The following PDS5A variants were observed in gnomAD, a reference collection of about 807,000 sequenced individuals.
PDS5A encodes sister chromatid cohesion protein PDS5 homolog A.
PDS5A carries 42 observed loss-of-function variants against 167.1 expected under a neutral mutation model. The observed-to-expected ratio is 0.25, with a 90% CI of 0.20 to 0.33. The LOEUF (loss-of-function observed/expected upper bound fraction) is 0.33. PDS5A is among the 10% of genes least tolerant of loss of function. The pLI, the probability that PDS5A is intolerant of heterozygous loss-of-function variation, is 1.00. For missense variants in PDS5A, 1,033 were observed against 1,605.9 expected (o/e 0.64, Z 6.10); for synonymous variants, 553 against 554.6 (o/e 1.00, Z 0.04).
At chr4:39,914,559 T>C (rs922534845) in intron 8 of PDS5A, among the ~76,000 whole-genome samples, 1 of 152,120 alleles carries the variant, frequency 6.6e-6, no homozygotes, top group African/African-American at 2.4e-5. Context: ...AATGCAAGAA[T>C]CAAAAGATGA....
At chr4:39,967,562 G>A (rs764448247) in intron 2 of PDS5A, among the ~76,000 whole-genome samples, 2 of 151,414 alleles carry the variant, frequency 1.3e-5, no homozygotes, top group Non-Finnish European at 2.9e-5. Flanking sequence ...CAGGCGAATT[G>A]CTTGAACTCA....
Position 39,824,711 on chromosome 4 carries a change from G to C in PDS5A, c.*774C>G, listed in dbSNP as rs1715126595. 1 of 152,478 alleles carries C rather than the reference G, an allele frequency of 6.6e-6. No homozygotes were observed. The highest frequency in any genetic ancestry group is 6.6e-5 in the Admixed American group (1 of 15,250). 9.4% of individuals were successfully genotyped at this position (152,478 alleles called of 1,614,324 possible). A position where few individuals can be genotyped will look rare whatever the true frequency, so the allele number is the denominator to read the frequency against. On this transcript the variant is annotated 3_prime_UTR_variant, in exon 33 of 33. Transcript: ENST00000303538. ...ACAGGAGTAAAAACCATTTTAAAGT[G>C]ATATGCTTTATGAAACAAACAACAA...
rs2679789 is a variant in PDS5A at position 39,947,957 on chromosome 4, A to T, written c.139-19793T>A. Among the ~76,000 whole-genome samples the T allele has an allele frequency of 6.6e-4, 100 of 152,280 alleles. 1 individual carries two copies. In the East Asian group the frequency reaches 0.018, roughly 27 times the overall value. The stretch of plus-strand genomic sequence containing the variant: ...CAAATAATGGCAATGTCCACACAAA[A>T]ATTTGCACATAAGCCAGGAATGGTG... On this transcript the variant is annotated intron_variant, in intron 2 of 32. Transcript: ENST00000303538.
chr4:39,879,318 C>G (rs1047781759), intron 18 of PDS5A, among the ~76,000 whole-genome samples: 1 of 152,012 alleles, frequency 6.6e-6, no homozygotes, highest in African/African-American at 2.4e-5. Flanking sequence ...CCCAAAGCAC[C>G]CCTTTTTTCT....
chr4:39,838,132 C>G lies in PDS5A; in HGVS notation c.3734G>C (p.Gly1245Ala). The stretch of plus-strand genomic sequence containing the variant: ...TGTTTTTTGTTGGATATTCTCTGCA[C>G]CAGCTGCTGTTACTGTTCTTTTCTT... The part of the protein sequence containing the change: ...RGKKRTVTAA[G>A]AENIQQKTDE... Residue 1245 changes from glycine (G) to alanine (A), a missense_variant, in exon 32 of 33, where the codon GGT becomes GCT. Gly to Ala is a moderately conservative substitution (Grantham distance 60). Coordinates refer to ENST00000303538, the MANE Select transcript of PDS5A (RefSeq NM_001100399.2). 1 of 1,613,818 alleles carries G rather than the reference C, an allele frequency of 6.2e-7. No individual in the cohort carries two copies. Among genetic ancestry groups the G allele is most frequent in the Non-Finnish European group, 8.5e-7 (1 of 1,179,804 alleles).
intron 23 of PDS5A, among the ~76,000 whole-genome samples, chr4:39,865,155 GAA>G (rs1172636535): frequency 6.6e-6 from 1 of 152,024 alleles, no homozygotes; most frequent in Non-Finnish European, 1.5e-5. Context: ...GATTTGTAAT[GAA>G]AAGAGGTATT....
At chr4:39,913,426 A>G (rs1212519473) in intron 9 of PDS5A, among the ~76,000 whole-genome samples, 185 bp downstream of exon 9, 2 of 152,140 alleles carry the variant, frequency 1.3e-5, no homozygotes, top group Admixed American at 1.3e-4. Flanking sequence ...ACACAGATAA[A>G]ATACTAAGCT....
At chr4:39,861,487 A>G (rs1001751294) in intron 26 of PDS5A, among the ~76,000 whole-genome samples, 2 of 152,144 alleles carry the variant, frequency 1.3e-5, no homozygotes, top group Admixed American at 6.5e-5. Flanking sequence ...GAGACTGGTT[A>G]ATGGGTACAA....
chr4:39,949,220 T>TGAATGC (rs1728083936), intron 2 of PDS5A, among the ~76,000 whole-genome samples: 1 of 146,500 alleles, frequency 6.8e-6, no homozygotes, highest in South Asian at 2.1e-4. Context: ...GAGGATTGCT[T>TGAATGC]GAATGCGGGA....
At chr4:39,869,358 TAA>T (rs768992303) in intron 22 of PDS5A, 34 bp downstream of exon 22, 4 of 1,232,546 alleles carry the variant, frequency 3.2e-6, no homozygotes, top group African/African-American at 1.5e-5. Context: ...GTCCCTTTTT[TAA>T]ACATGAAGAT....
At chr4:39,966,856 G>A (rs568310125) in intron 2 of PDS5A, among the ~76,000 whole-genome samples, 5 of 151,018 alleles carry the variant, frequency 3.3e-5, no homozygotes, top group Middle Eastern at 3.4e-3. Flanking sequence ...AAAATTAGCC[G>A]GGTGTAGTGG....
chr4:39,863,919 A>T (rs1015904644), intron 23 of PDS5A, among the ~76,000 whole-genome samples: 1 of 152,168 alleles, frequency 6.6e-6, no homozygotes, highest in Non-Finnish European at 1.5e-5. Context: ...TCACGAGGTC[A>T]AGAGATTGAG....
In PDS5A at chr4:39,838,196, C is replaced by G; in HGVS notation, c.3670G>C (p.Asp1224His). The G allele has an allele frequency of 1.3e-6, 2 of 1,569,160 alleles. No individual in the cohort carries two copies. Among genetic ancestry groups the G allele is most frequent in the East Asian group, 2.2e-5 (1 of 44,542 alleles). Residue 1224 changes from aspartate (D) to histidine (H), a missense_variant, in exon 32 of 33, where the codon GAT (aspartate) becomes CAT (histidine). Physicochemically the swap from Asp to His is moderately conservative, Grantham distance 81 (BLOSUM62 -1). This residue lies in a region of PDS5A where 233 missense variants were observed against 264.0 expected (regional missense o/e 0.88). Coordinates refer to ENST00000303538, the MANE Select transcript of PDS5A (RefSeq NM_001100399.2). ...DPVKNKEINSDQATQGNISSD... is the reference protein window; with the variant it reads ...DPVKNKEINSHQATQGNISSD... ...CTGATGTTGCCCTGGGTAGCCTGAT[C>G]AGAATTAATTTCCTAAAAAAGCACA...
chr4:39,974,418 C>T lies in PDS5A; in HGVS notation c.138+2022G>A, dbSNP rs1177580650. On this transcript the variant is annotated intron_variant, in intron 2 of 32. Transcript: ENST00000303538. ...TTAATTTGAAAACAATAAATATTAA[C>T]GATCCATCAATTGTTTAAGTTTTAT... 2.7e-5 allele frequency: 9 copies of T among 331,138 alleles called. No individual in the cohort carries two copies. The East Asian group carries it at 7.1e-4, about 26-fold the overall frequency. The allele number at this position is 331,138 out of a possible 1,614,324, so 20.5% of individuals were successfully genotyped here.
At chr4:39,887,019 C>T (rs959649022) in intron 17 of PDS5A, among the ~76,000 whole-genome samples, 13 of 151,924 alleles carry the variant, frequency 8.6e-5, no homozygotes, top group Admixed American at 2.6e-4. Context: ...AACAGTTTTT[C>T]GGTGGAGTCT....
chr4:39,940,110 T>A (rs1247385492), intron 2 of PDS5A, among the ~76,000 whole-genome samples: 2 of 151,786 alleles, frequency 1.3e-5, no homozygotes, highest in African/African-American at 4.8e-5. Context: ...ATACAAAATT[T>A]AGCCGGGCGT....
intron 2 of PDS5A, among the ~76,000 whole-genome samples, chr4:39,958,611 T>C (rs891862061): frequency 6.6e-6 from 1 of 151,908 alleles, no homozygotes; most frequent in Non-Finnish European, 1.5e-5. Flanking sequence ...TTGTCTTTTT[T>C]TTTTTCTTTT....
chr4:39,911,835 TAAA>T (rs35068853), intron 9 of PDS5A, among the ~76,000 whole-genome samples: 23 of 125,232 alleles, frequency 1.8e-4, no homozygotes, highest in Non-Finnish European at 2.2e-4. Flanking sequence ...CCGTCTCAAT[TAAA>T]AAAAAAAAAA....
intron 8 of PDS5A, among the ~76,000 whole-genome samples, chr4:39,914,466 C>T (rs1019895651): frequency 1.4e-5 from 2 of 145,644 alleles, no homozygotes; most frequent in African/African-American, 2.7e-5. Flanking sequence ...GGCTGATACA[C>T]AAAGTTTTAA....
Sources: gnomAD v4.1 joint callset for allele counts (sites outside exome capture counted in the v4.1 genomes callset) on GRCh38, gnomAD v4.1.1 for gene constraint, gnomAD v4.1.1 regional missense constraint, MANE v1.5 for transcripts, NCBI Gene and HGNC (gene_info 2026-07-23, HGNC 2026-07-21) for gene names.